The following ARHGEF37 variants were observed in gnomAD, a reference collection of about 807,000 sequenced individuals.
ARHGEF37 encodes Rho guanine nucleotide exchange factor (GEF) 37.
In ARHGEF37, 55 loss-of-function variants were observed where a neutral mutation model predicts 71.1. That is an observed-to-expected ratio of 0.77 (90% CI 0.62 to 0.97). The LOEUF (loss-of-function observed/expected upper bound fraction) is 0.97. Ranked by LOEUF, ARHGEF37 falls within the 50% of genes least tolerant of loss-of-function variation. The pLI is 0.00. For synonymous variants in ARHGEF37, 327 were observed against 350.6 expected, an observed-to-expected ratio of 0.93 and a Z score of 0.75; for missense variants, 765 against 836.8, an observed-to-expected ratio of 0.91 and a Z score of 1.06.
chr5:149,569,637 G>A (rs1396914619), intron 1 of ARHGEF37, among the ~76,000 whole-genome samples: 1 of 148,324 alleles, frequency 6.7e-6, no homozygotes, highest in Non-Finnish European at 1.5e-5. Context: ...TTTATTTTGA[G>A]ATGGAGTCTT....
intron 1 of ARHGEF37, among the ~76,000 whole-genome samples, chr5:149,584,303 G>A (rs1321591064): frequency 6.6e-6 from 1 of 152,160 alleles, no homozygotes; most frequent in African/African-American, 2.4e-5. Flanking sequence ...TTTGATTTGG[G>A]TTAAGACACA....
Position 149,633,784 on chromosome 5 carries a change from T to A in ARHGEF37, c.*1593T>A, listed in dbSNP as rs1752956876. On this transcript the variant is annotated 3_prime_UTR_variant, in exon 13 of 13. Coordinates refer to ENST00000333677, the MANE Select transcript of ARHGEF37 (RefSeq NM_001001669.3). Reference sequence around the variant, plus strand: ...GTTTTTGAAGGGCTTTTAAGAAATATATACATGTCTGTGTCAGTCTATAAC... The same window carrying A: ...GTTTTTGAAGGGCTTTTAAGAAATAAATACATGTCTGTGTCAGTCTATAAC... 1 of 152,226 alleles carries A rather than the reference T, an allele frequency of 6.6e-6. No individual in the cohort carries two copies. Among genetic ancestry groups the A allele is most frequent in the Non-Finnish European group, 1.5e-5 (1 of 68,042 alleles). 9.4% of individuals were successfully genotyped at this position (152,226 alleles called of 1,614,324 possible).
chr5:149,600,228 T>C (rs1464065020), intron 2 of ARHGEF37, among the ~76,000 whole-genome samples: 1 of 152,242 alleles, frequency 6.6e-6, no homozygotes, highest in African/African-American at 2.4e-5. Flanking sequence ...CCCTGGTATA[T>C]GCAGTTTATC....
chr5:149,600,278 G>A lies in ARHGEF37; in HGVS notation c.187-830G>A, dbSNP rs151063197. ...TATTATGCAGTGCGTGACTGTATATGTTGTTATTTATTTTAACAGAAACAA... is the reference window on the plus strand; with the variant it reads ...TATTATGCAGTGCGTGACTGTATATATTGTTATTTATTTTAACAGAAACAA... On this transcript the variant is annotated intron_variant, in intron 2 of 12. Transcript: ENST00000333677. 1.4e-4 allele frequency among the ~76,000 whole-genome samples: 22 copies of A among 152,052 alleles called. No individual in the cohort carries two copies. In the East Asian group the frequency reaches 4.0e-3, roughly 28 times the overall value.
intron 1 of ARHGEF37, among the ~76,000 whole-genome samples, chr5:149,564,752 A>T (rs917184679): frequency 3.3e-5 from 5 of 151,906 alleles, no homozygotes; most frequent in Non-Finnish European, 5.9e-5. Flanking sequence ...TGAACCCAGG[A>T]GGCGGAGGTT....
In ARHGEF37 at chr5:149,628,814, C is replaced by G; in HGVS notation, c.1666C>G (p.Arg556Gly). 1 of 1,612,552 alleles carries G rather than the reference C, an allele frequency of 6.2e-7. No homozygotes were observed. Among genetic ancestry groups the G allele is most frequent in the Non-Finnish European group, 8.5e-7 (1 of 1,179,384 alleles). ...GRWLVDTGGHRGYVPAGKLQL... is the reference protein window; with the variant it reads ...GRWLVDTGGHGGYVPAGKLQL... The stretch of plus-strand genomic sequence containing the variant: ...ACCTTCTGCATGCTCCCTAGGACAT[C>G]GTGGGTATGTGCCGGCTGGGAAACT... The change falls in exon 12 of 13, where the codon CGT becomes GGT. Residue 556 changes from arginine (R) to glycine (G), a missense_variant. By Grantham distance (125) the Arg-to-Gly change is moderately radical. This residue lies in a region of ARHGEF37 where 390 missense variants were observed against 407.4 expected (regional missense o/e 0.96). Coordinates refer to ENST00000333677, the MANE Select transcript of ARHGEF37 (RefSeq NM_001001669.3).
chr5:149,570,615 C>T (rs1486095387), intron 1 of ARHGEF37, among the ~76,000 whole-genome samples: 1 of 151,092 alleles, frequency 6.6e-6, no homozygotes, highest in African/African-American at 2.4e-5. Flanking sequence ...CGGTGGCTCA[C>T]ACCTGTAATC....
intron 4 of ARHGEF37, among the ~76,000 whole-genome samples, chr5:149,609,959 G>A (rs183577449): frequency 1.2e-4 from 18 of 152,250 alleles, no homozygotes; most frequent in African/African-American, 2.6e-4. Context: ...TCCTCACTTC[G>A]GCACCCAAAC....
At chr5:149,552,501 G>C (rs1043354807) in intron 1 of ARHGEF37, among the ~76,000 whole-genome samples, 97 of 152,144 alleles carry the variant, frequency 6.4e-4, no homozygotes, top group African/African-American at 2.3e-3. Flanking sequence ...GACCTCAGTC[G>C]TAAAAATTTA....
chr5:149,551,924 C>T (rs1046666155), upstream of ARHGEF37: 3 of 152,154 alleles, frequency 2.0e-5, no homozygotes, highest in Non-Finnish European at 4.4e-5. Flanking sequence ...CAGCCAGCGT[C>T]GAGGAATCTC....
At chr5:149,562,206 GA>G (rs1272310596) in intron 1 of ARHGEF37, among the ~76,000 whole-genome samples, 2 of 152,046 alleles carry the variant, frequency 1.3e-5, no homozygotes, top group African/African-American at 4.8e-5. Context: ...GCTGAGTAGG[GA>G]AAAAAAGAAC....
chr5:149,601,707 G>A (rs1763760468), intron 3 of ARHGEF37, among the ~76,000 whole-genome samples: 1 of 152,232 alleles, frequency 6.6e-6, no homozygotes, highest in Non-Finnish European at 1.5e-5. Context: ...ACTTCTGGGT[G>A]TGAGGGAAGG....
chr5:149,589,369 C>T (rs1398640216), intron 1 of ARHGEF37, among the ~76,000 whole-genome samples: 2 of 151,892 alleles, frequency 1.3e-5, no homozygotes, highest in Non-Finnish European at 2.9e-5. Context: ...ACTCTGTTGT[C>T]CAGGCTGGAG....
chr5:149,579,874 C>T (rs1003829240), upstream of ARHGEF37, among the ~76,000 whole-genome samples: 14 of 152,042 alleles, frequency 9.2e-5, no homozygotes, highest in Non-Finnish European at 1.9e-4. Context: ...CGTGAACCAC[C>T]GTGCCCCGCC....
chr5:149,615,719 G>T (rs1417417118), intron 4 of ARHGEF37, among the ~76,000 whole-genome samples: 5 of 151,740 alleles, frequency 3.3e-5, no homozygotes. Flanking sequence ...GTGAAACCCC[G>T]TCTCTACTAA....
intron 11 of ARHGEF37, 125 bp downstream of exon 11, chr5:149,627,396 C>A (rs1468916672): frequency 2.9e-6 from 3 of 1,032,840 alleles, no homozygotes; most frequent in Non-Finnish European, 4.2e-6. Flanking sequence ...GGAGTAGGCA[C>A]AGGTGACACA....
At chr5:149,609,474 A>G (rs761036174) in intron 3 of ARHGEF37, 74 bp from the exon 4 acceptor site, 64 of 1,544,972 alleles carry the variant, frequency 4.1e-5, no homozygotes, top group Non-Finnish European at 5.3e-5. Context: ...GGGTTTACTT[A>G]CTGCCTCCCT....
At chr5:149,603,006 C>T (rs1763802940) in intron 3 of ARHGEF37, among the ~76,000 whole-genome samples, 1 of 152,042 alleles carries the variant, frequency 6.6e-6, no homozygotes, top group Non-Finnish European at 1.5e-5. Flanking sequence ...GATCTCGGCT[C>T]ACTGCAACCT....
intron 4 of ARHGEF37, among the ~76,000 whole-genome samples, chr5:149,614,222 TG>T (rs1752309781): frequency 6.6e-6 from 1 of 152,170 alleles, no homozygotes; most frequent in Admixed American, 6.5e-5. Context: ...TTTGCTCACT[TG>T]GGTTTGGATT....
Sources: allele counts gnomAD v4.1 joint callset (sites outside exome capture counted in the v4.1 genomes callset), GRCh38; gene constraint gnomAD v4.1.1; regional missense constraint gnomAD v4.1.1; transcripts MANE v1.5; gene names NCBI Gene and HGNC (gene_info 2026-07-23, HGNC 2026-07-21).